Variants in FRAS1 observed in about 807,000 individuals in gnomAD.
FRAS1 encodes extracellular matrix organizing protein FRAS1.
Under a neutral mutation model 435.2 loss-of-function variants are expected in FRAS1, and 290 were observed. The ratio of observed to expected loss-of-function variants is 0.67; its 90% CI spans 0.61 to 0.73. FRAS1 has a LOEUF of 0.73. Among genes scored for constraint, FRAS1 ranks in the 30% least tolerant of loss-of-function variants. The probability of loss-of-function intolerance (pLI) is 0.00; values close to 1 mark genes in which losing one functional copy is unlikely to be tolerated. For missense variants in FRAS1, 4,860 were observed against 5,001.5 expected (o/e 0.97, Z 0.85); for synonymous variants, 1,800 against 1,851.0 (o/e 0.97, Z 0.71).
At chr4:78,520,369 C>G (rs963500269) in intron 67 of FRAS1, among the ~76,000 whole-genome samples, 1 of 151,620 alleles carries the variant, frequency 6.6e-6, no homozygotes, top group African/African-American at 2.4e-5. Context: ...CTGTTTTCCT[C>G]TTCAGGGGTG....
Position 78,120,172 on chromosome 4 carries a change from CA to C in FRAS1, c.108+54158del, listed in dbSNP as rs548482481. Among the ~76,000 whole-genome samples, 223 of 152,192 alleles carry C rather than the reference CA, an allele frequency of 1.5e-3. 2 individuals carry two copies. The highest frequency in any genetic ancestry group is 2.6e-3 in the Non-Finnish European group (174 of 68,010). On this transcript the variant is annotated intron_variant, in intron 2 of 73. Coordinates refer to ENST00000512123, the MANE Select transcript of FRAS1 (RefSeq NM_025074.7). ...AAAATGCACACTGATTTCTTCTGAC[CA>C]ACATATGTGCCAAGTATCTTGAATT...
intron 29 of FRAS1, among the ~76,000 whole-genome samples, chr4:78,399,612 G>C (rs968790758): frequency 6.6e-6 from 1 of 152,162 alleles, no homozygotes; most frequent in Non-Finnish European, 1.5e-5. Context: ...CAGGAGTGCT[G>C]AATAGGTGAT....
intron 2 of FRAS1, among the ~76,000 whole-genome samples, chr4:78,192,049 A>G (rs546744137): frequency 6.6e-6 from 1 of 152,030 alleles, no homozygotes; most frequent in East Asian, 1.9e-4. Context: ...TCCTTTGGGT[A>G]TGTTTTTGGT....
intron 30 of FRAS1, 136 bp from the exon 31 acceptor site, chr4:78,407,527 C>G: frequency 1.5e-6 from 1 of 647,926 alleles, no homozygotes; most frequent in Non-Finnish European, 2.6e-6. Flanking sequence ...TTAACATCCT[C>G]TCCTTCACCT....
intron 66 of FRAS1, 126 bp from the exon 67 acceptor site, chr4:78,519,205 G>A: frequency 1.3e-6 from 1 of 744,104 alleles, no homozygotes; most frequent in Non-Finnish European, 2.0e-6. Context: ...ATGGGCACTT[G>A]CTTAATAATT....
intron 2 of FRAS1, among the ~76,000 whole-genome samples, chr4:78,095,381 A>C (rs1429741229): frequency 6.6e-6 from 1 of 152,174 alleles, no homozygotes; most frequent in African/African-American, 2.4e-5. Context: ...AACTGGCTGG[A>C]TCTATTTAAT....
chr4:78,490,198 A>G (rs1010624701), intron 59 of FRAS1, among the ~76,000 whole-genome samples: 3 of 150,522 alleles, frequency 2.0e-5, no homozygotes, highest in Admixed American at 2.0e-4. Flanking sequence ...CTCCAACAAA[A>G]TAATAGTGGG....
intron 14 of FRAS1, among the ~76,000 whole-genome samples, chr4:78,305,763 C>T (rs537278662): frequency 1.3e-5 from 2 of 152,022 alleles, no homozygotes; most frequent in African/African-American, 4.8e-5. Flanking sequence ...TGTCTCTGCA[C>T]ATGAGATGGG....
At chr4:78,530,668 T>C (rs1721683469) in intron 70 of FRAS1, among the ~76,000 whole-genome samples, 1 of 152,214 alleles carries the variant, frequency 6.6e-6, no homozygotes, top group Admixed American at 6.5e-5. Context: ...GCGTGATTAC[T>C]GAGGCCTCTG....
chr4:78,236,529 C>G (rs1008008085), intron 2 of FRAS1, among the ~76,000 whole-genome samples: 4 of 152,046 alleles, frequency 2.6e-5, no homozygotes, highest in Admixed American at 2.6e-4. Flanking sequence ...GCTTTCAACT[C>G]TAATAGGAAT....
chr4:78,290,131 C>T (rs1025475989), intron 14 of FRAS1, among the ~76,000 whole-genome samples: 2 of 152,122 alleles, frequency 1.3e-5, no homozygotes, highest in African/African-American at 2.4e-5. Flanking sequence ...CAACCAACAA[C>T]ACGCACCATG....
chr4:78,414,511 A>C (rs1578309063), intron 32 of FRAS1, among the ~76,000 whole-genome samples: 1 of 152,206 alleles, frequency 6.6e-6, no homozygotes, highest in East Asian at 1.9e-4. Context: ...TATACAGTTT[A>C]TATATTTTTT....
At chr4:78,447,135 C>A (rs1718865253) in intron 43 of FRAS1, among the ~76,000 whole-genome samples, 1 of 148,396 alleles carries the variant, frequency 6.7e-6, no homozygotes, top group Non-Finnish European at 1.5e-5. Context: ...TTCTATGTAA[C>A]CTTAAGCAAA....
At chr4:78,155,116 T>C (rs925613593) in intron 2 of FRAS1, among the ~76,000 whole-genome samples, 4 of 152,222 alleles carry the variant, frequency 2.6e-5, no homozygotes, top group African/African-American at 9.6e-5. Context: ...CTTTAAACTA[T>C]AAAATTCTAG....
chr4:78,472,360 G>A (rs749513267), intron 52 of FRAS1, 30 bp downstream of exon 52: 7 of 1,557,196 alleles, frequency 4.5e-6, no homozygotes, highest in Non-Finnish European at 2.6e-6. Context: ...TTAGAAATGG[G>A]AGAAATCTAT....
intron 16 of FRAS1, 26 bp from the exon 17 acceptor site, chr4:78,317,342 G>A (rs17457087): frequency 0.29 from 473,284 of 1,611,620 alleles, 75,984 homozygotes; most frequent in Non-Finnish European, 0.33. Flanking sequence ...GTCCCATGGC[G>A]TTCTCCCTCT....
At chr4:78,506,200 G>A (rs1720834942) in intron 61 of FRAS1, among the ~76,000 whole-genome samples, 1 of 152,228 alleles carries the variant, frequency 6.6e-6, no homozygotes, top group Non-Finnish European at 1.5e-5. Flanking sequence ...AGGCTACACA[G>A]GGGTCAGGGA....
chr4:78,393,869 T>C (rs555364228), intron 29 of FRAS1, among the ~76,000 whole-genome samples: 2 of 152,130 alleles, frequency 1.3e-5, no homozygotes, highest in African/African-American at 4.8e-5. Context: ...CTCCCACCAA[T>C]GTACCAGGAT....
Position 78,266,821 on chromosome 4 carries a change from T to C in FRAS1, c.688-13T>C, listed in dbSNP as rs144657066. 1.1e-3 allele frequency: 1,715 copies of C among 1,580,536 alleles called. 20 individuals are homozygous for C. In the African/African-American group the frequency reaches 0.021, roughly 19 times the overall value. ...TTTGATTTTCCATGTTCTTCTTTCC[T>C]GTCTTCATGCAGCATGGTGAGCAGT... On this transcript the variant is annotated splice_polypyrimidine_tract_variant and intron_variant, in intron 7 of 73. Coordinates refer to ENST00000512123, the MANE Select transcript of FRAS1 (RefSeq NM_025074.7).
Sources: gnomAD v4.1 joint callset for allele counts (sites outside exome capture counted in the v4.1 genomes callset) on GRCh38, gnomAD v4.1.1 for gene constraint, MANE v1.5 for transcripts, NCBI Gene and HGNC (gene_info 2026-07-23, HGNC 2026-07-21) for gene names.